The following BCL2 variants were observed in gnomAD, a reference collection of about 807,000 sequenced individuals.
BCL2 encodes the protein BCL2 apoptosis regulator.
A neutral mutation model predicts 14.2 loss-of-function variants in BCL2; 1 was observed. The observed-to-expected ratio is 0.07, with a 90% CI of 0.02 to 0.33. BCL2 has a LOEUF of 0.33. BCL2 is among the 10% of genes least tolerant of loss of function. The pLI, the probability that BCL2 is intolerant of heterozygous loss-of-function variation, is 0.99. For missense variants in BCL2, 247 were observed against 305.9 expected, an observed-to-expected ratio of 0.81 and a Z score of 1.44; for synonymous variants, 151 against 137.2, an observed-to-expected ratio of 1.10 and a Z score of -0.70.
intron 2 of BCL2, among the ~76,000 whole-genome samples, chr18:63,309,417 G>C (rs76393382): frequency 1.3e-5 from 2 of 152,306 alleles, no homozygotes; most frequent in South Asian, 4.1e-4. Flanking sequence ...AGCAGTAACT[G>C]TTGTTATCTT....
intron 2 of BCL2, among the ~76,000 whole-genome samples, chr18:63,250,900 C>G (rs1156770791): frequency 3.3e-5 from 5 of 152,142 alleles, no homozygotes; most frequent in Non-Finnish European, 5.9e-5. Context: ...ACATGCAACC[C>G]AGCTTATGGA....
intron 2 of BCL2, among the ~76,000 whole-genome samples, chr18:63,235,404 A>G (rs2144183002): frequency 6.6e-6 from 1 of 152,318 alleles, no homozygotes; most frequent in Non-Finnish European, 1.5e-5. Flanking sequence ...ATTAGAAATA[A>G]CTTCCATGTC....
intron 2 of BCL2, among the ~76,000 whole-genome samples, chr18:63,297,812 G>A (rs1441221647): frequency 1.3e-5 from 2 of 152,140 alleles, no homozygotes; most frequent in African/African-American, 4.8e-5. Flanking sequence ...CTGATGGGGT[G>A]AGCCATTCCT....
chr18:63,297,824 C>T (rs2849379), intron 2 of BCL2, among the ~76,000 whole-genome samples: 15,451 of 152,128 alleles, frequency 0.1, 880 homozygotes, highest in Admixed American at 0.14. Flanking sequence ...GCCATTCCTT[C>T]GCAAGCCACC....
chr18:63,293,159 T>C (rs1912701936), intron 2 of BCL2, among the ~76,000 whole-genome samples: 1 of 152,152 alleles, frequency 6.6e-6, no homozygotes, highest in African/African-American at 2.4e-5. Flanking sequence ...GGCCCCAAGA[T>C]AGCACACAAG....
chr18:63,157,847 C>T (rs532043912), intron 2 of BCL2, among the ~76,000 whole-genome samples: 75 of 152,320 alleles, frequency 4.9e-4, no homozygotes, highest in African/African-American at 1.8e-3. Flanking sequence ...GAAACAAATA[C>T]CGCTCAGCAC....
At chr18:63,227,623 G>T (rs902369086) in intron 2 of BCL2, among the ~76,000 whole-genome samples, 1 of 152,194 alleles carries the variant, frequency 6.6e-6, no homozygotes, top group Admixed American at 6.5e-5. Flanking sequence ...AATTTAATGT[G>T]AGGCAGAATA....
At chr18:63,254,686 A>C (rs962562486) in intron 2 of BCL2, among the ~76,000 whole-genome samples, 9 of 152,226 alleles carry the variant, frequency 5.9e-5, no homozygotes, top group African/African-American at 2.2e-4. Context: ...AAATTAATAC[A>C]CGTATTTAAA....
intron 2 of BCL2, among the ~76,000 whole-genome samples, chr18:63,138,598 C>G (rs1393501948): frequency 6.6e-6 from 1 of 152,278 alleles, no homozygotes; most frequent in Non-Finnish European, 1.5e-5. Context: ...TTCCTCCAGG[C>G]TGGCGAAGGC....
chr18:63,193,063 T>C (rs188630553), intron 2 of BCL2, among the ~76,000 whole-genome samples: 1 of 152,244 alleles, frequency 6.6e-6, no homozygotes, highest in Admixed American at 6.5e-5. Flanking sequence ...AACCGCTGAG[T>C]TCTCAGCCAA....
intron 2 of BCL2, among the ~76,000 whole-genome samples, chr18:63,218,553 C>T (rs1271540060): frequency 7.0e-6 from 1 of 141,968 alleles, no homozygotes; most frequent in Non-Finnish European, 1.6e-5. Context: ...CCCTGGAAAT[C>T]CAGAGTCTTG....
intron 2 of BCL2, among the ~76,000 whole-genome samples, chr18:63,130,892 A>T (rs1319499585): frequency 6.6e-6 from 1 of 152,164 alleles, no homozygotes; most frequent in Non-Finnish European, 1.5e-5. Flanking sequence ...ATTCTCATGG[A>T]TTGCCCTCCA....
At chr18:63,163,896 C>A (rs544500439) in intron 2 of BCL2, among the ~76,000 whole-genome samples, 2 of 152,306 alleles carry the variant, frequency 1.3e-5, no homozygotes, top group East Asian at 1.9e-4. Flanking sequence ...AGAGTCTGTG[C>A]TCTTAGTGGC....
chr18:63,129,374 C>T (rs573353106), intron 2 of BCL2, among the ~76,000 whole-genome samples: 2 of 151,554 alleles, frequency 1.3e-5, no homozygotes, highest in Middle Eastern at 3.4e-3. Flanking sequence ...ACTGCAGCCT[C>T]GAACTGTTGG....
intron 2 of BCL2, among the ~76,000 whole-genome samples, chr18:63,165,292 G>A (rs534079030): frequency 6.6e-6 from 1 of 152,230 alleles, no homozygotes; most frequent in South Asian, 2.1e-4. Flanking sequence ...GAAGTGTCTT[G>A]GTTTGGATGA....
At chr18:63,180,938 T>C (rs566459234) in intron 2 of BCL2, among the ~76,000 whole-genome samples, 66 of 152,318 alleles carry the variant, frequency 4.3e-4, no homozygotes, top group Non-Finnish European at 3.5e-4. Flanking sequence ...TGGAAACGTG[T>C]CAGTGTACAG....
intron 2 of BCL2, among the ~76,000 whole-genome samples, chr18:63,226,849 A>G (rs1910562118): frequency 6.6e-6 from 1 of 152,174 alleles, no homozygotes; most frequent in South Asian, 2.1e-4. Context: ...AGAAATCTGA[A>G]AAACACATTC....
rs150515013 is a variant in BCL2 at position 63,175,030 on chromosome 18, T to C, written c.586-46271A>G. Among the ~76,000 whole-genome samples, 405 of 152,304 alleles carry C rather than the reference T, an allele frequency of 2.7e-3. 4 individuals carry two copies. The highest frequency in any genetic ancestry group is 0.017 in the Middle Eastern group (5 of 294). ...ATCTGTCTTGACATTGTTTGAAGTCTACCACATTTTGTCAAAAGCCACCTT... is the reference window on the plus strand; with the variant it reads ...ATCTGTCTTGACATTGTTTGAAGTCCACCACATTTTGTCAAAAGCCACCTT... On this transcript the variant is annotated intron_variant, in intron 2 of 2. Coordinates refer to ENST00000333681, the MANE Select transcript of BCL2 (RefSeq NM_000633.3).
At chr18:63,198,752 GACAC>G (rs1401822795) in intron 2 of BCL2, among the ~76,000 whole-genome samples, 1 of 104,774 alleles carries the variant, frequency 9.5e-6, no homozygotes, top group East Asian at 3.1e-4. Context: ...GACACACACA[GACAC>G]ACACTGACAC....
Sources: gnomAD v4.1 joint callset for allele counts (sites outside exome capture counted in the v4.1 genomes callset) on GRCh38, gnomAD v4.1.1 for gene constraint, MANE v1.5 for transcripts, NCBI Gene and HGNC (gene_info 2026-07-23, HGNC 2026-07-21) for gene names.